The following TANGO2 variants were observed in gnomAD, a reference collection of about 807,000 sequenced individuals.
TANGO2 encodes the protein transport and Golgi organization protein 2 homolog.
In TANGO2, 26 loss-of-function variants were observed where a neutral mutation model predicts 39.1. The observed-to-expected ratio is 0.67, with a 90% confidence interval of 0.49 to 0.92. TANGO2 has a LOEUF of 0.92. TANGO2 is among the 40% of genes least tolerant of loss of function. The pLI is 0.00. For synonymous variants in TANGO2, 131 were observed against 144.5 expected (o/e 0.91, Z 0.67); for missense variants, 326 against 360.1 (o/e 0.91, Z 0.77).
chr22:20,028,920 C>T (rs940919174), intron 1 of TANGO2, among the ~76,000 whole-genome samples: 1 of 152,198 alleles, frequency 6.6e-6, no homozygotes, highest in African/African-American at 2.4e-5. Flanking sequence ...GTGGTGGGCA[C>T]TGAGAGCCAG....
At chr22:20,041,540 T>C (rs2043938908) in intron 2 of TANGO2, among the ~76,000 whole-genome samples, 1 of 152,010 alleles carries the variant, frequency 6.6e-6, no homozygotes. Flanking sequence ...TCTCGATCTC[T>C]TGACCTCGTG....
chr22:20,040,121 C>G (rs894208243), intron 2 of TANGO2, among the ~76,000 whole-genome samples: 1 of 152,180 alleles, frequency 6.6e-6, no homozygotes, highest in Non-Finnish European at 1.5e-5. Context: ...GGGGCTTGAT[C>G]TGGGTGCTCA....
chr22:20,061,317 G>A (rs1027075328), intron 6 of TANGO2: 65 of 502,436 alleles, frequency 1.3e-4, no homozygotes, highest in Non-Finnish European at 2.1e-4. Context: ...GTGGGTGCCC[G>A]CTTCCGCCTA....
chr22:20,033,168 T>C (rs770235403), intron 1 of TANGO2: 1 of 517,180 alleles, frequency 1.9e-6, no homozygotes. Flanking sequence ...AGAAAGGCAG[T>C]TCCTGATGGT....
chr22:20,058,550 G>A (rs2047790805), intron 6 of TANGO2: 1 of 152,014 alleles, frequency 6.6e-6, no homozygotes, highest in Non-Finnish European at 1.5e-5. Flanking sequence ...GCTGAGGCGG[G>A]AGAATGGCGT....
chr22:20,033,172 T>G (rs2042189336), intron 1 of TANGO2: 1 of 517,874 alleles, frequency 1.9e-6, no homozygotes, highest in Non-Finnish European at 3.9e-6. Context: ...AGGCAGTTCC[T>G]GATGGTCCCC....
chr22:20,055,509 C>T (rs1043626838), intron 5 of TANGO2: 4 of 233,670 alleles, frequency 1.7e-5, no homozygotes, highest in South Asian at 7.0e-5. Flanking sequence ...TTGGAAGCCT[C>T]GATCACCCTG....
At chr22:20,052,332 C>G in intron 3 of TANGO2, 133 bp from the exon 4 acceptor site, 1 of 1,345,976 alleles carries the variant, frequency 7.4e-7, no homozygotes, top group Non-Finnish European at 1.0e-6. Context: ...GCTGCTGGGC[C>G]AAGCCGCATG....
At chr22:20,044,141 G>A (rs17817665) in intron 3 of TANGO2, among the ~76,000 whole-genome samples, 20,051 of 152,152 alleles carry the variant, frequency 0.13, 2,386 homozygotes, top group East Asian at 0.54. Context: ...AAGTGGGCCC[G>A]AGGCATCCTG....
chr22:20,023,404 G>A (rs2040105212), intron 1 of TANGO2, among the ~76,000 whole-genome samples: 1 of 152,224 alleles, frequency 6.6e-6, no homozygotes, highest in Non-Finnish European at 1.5e-5. Context: ...CCTGAGGATG[G>A]GGCCACCCTG....
chr22:20,060,824 C>T (rs1165088489), intron 6 of TANGO2, among the ~76,000 whole-genome samples: 2 of 152,106 alleles, frequency 1.3e-5, no homozygotes, highest in African/African-American at 4.8e-5. Context: ...TGCTTGGCTC[C>T]CATCAAGCCC....
chr22:20,039,069 G>A (rs976507660), intron 2 of TANGO2, among the ~76,000 whole-genome samples: 85 of 150,688 alleles, frequency 5.6e-4, no homozygotes, highest in African/African-American at 1.9e-3. Context: ...GCATGCCTAA[G>A]TAACTGGGAC....
chr22:20,046,523 G>T (rs1317693577), intron 3 of TANGO2, among the ~76,000 whole-genome samples: 1 of 146,336 alleles, frequency 6.8e-6, no homozygotes, highest in Non-Finnish European at 1.5e-5. Context: ...GGAGTGCAAT[G>T]GTGCGACCTT....
intron 7 of TANGO2, among the ~76,000 whole-genome samples, chr22:20,062,221 C>T (rs2048512197): frequency 1.3e-5 from 2 of 152,194 alleles, no homozygotes; most frequent in South Asian, 4.1e-4. Context: ...GGCCTCAAGG[C>T]CCCTCAGGGG....
chr22:20,061,098 C>T lies in TANGO2; in HGVS notation c.452-432C>T, dbSNP rs138752998. ...CCACTGTGTGGCGCTGTTGGGGGTT[C>T]CCCAAACAGGGACATGATTGTGGTG... On this transcript the variant is annotated intron_variant, in intron 6 of 8. Transcript: ENST00000327374. 2.1e-3 allele frequency: 346 copies of T among 162,344 alleles called. 4 individuals carry two copies. Among genetic ancestry groups the T allele is most frequent in the African/African-American group, 7.8e-3 (327 of 41,746 alleles). 10.1% of individuals were successfully genotyped at this position (162,344 alleles called of 1,614,324 possible).
Position 20,041,041 on chromosome 22 carries a change from C to CTT in TANGO2, c.57-2314_57-2313insTT, listed in dbSNP as rs1236401985. Among the ~76,000 whole-genome samples the CTT allele has an allele frequency of 2.6e-5, 4 of 152,238 alleles. No individual in the cohort carries two copies. The East Asian group carries it at 7.7e-4, about 29-fold the overall frequency. ...TCCCTGGCAATGACCAAAAGCATTT[C>CTT]CCCAGTTCTGCTGGCAAGAAGCTTC... is the stretch of plus-strand genomic sequence containing the variant. On this transcript the variant is annotated intron_variant, in intron 2 of 8. Coordinates refer to ENST00000327374, the MANE Select transcript of TANGO2 (RefSeq NM_152906.7).
At chr22:20,056,776 T>G (rs1205324759) in intron 6 of TANGO2, 1 of 456,576 alleles carries the variant, frequency 2.2e-6, no homozygotes. Flanking sequence ...CACAAAACTG[T>G]AGGGACCATA....
At chr22:20,037,356 CT>C (rs1371843231) in intron 2 of TANGO2, among the ~76,000 whole-genome samples, 5 of 152,158 alleles carry the variant, frequency 3.3e-5, no homozygotes, top group South Asian at 2.1e-4. Context: ...GAAGCCACCC[CT>C]GACCCTGGAC....
chr22:20,050,789 T>G (rs2046186415), intron 3 of TANGO2, among the ~76,000 whole-genome samples: 1 of 151,890 alleles, frequency 6.6e-6, no homozygotes, highest in African/African-American at 2.4e-5. Flanking sequence ...TTGGTATTCC[T>G]TTTGGGTTTT....
Sources: gnomAD v4.1 joint callset for allele counts (sites outside exome capture counted in the v4.1 genomes callset) on GRCh38, gnomAD v4.1.1 for gene constraint, MANE v1.5 for transcripts, NCBI Gene and HGNC (gene_info 2026-07-23, HGNC 2026-07-21) for gene names.